ADARB2: variants seen among roughly 807,000 people sequenced by gnomAD.
The protein encoded by ADARB2 is inactive double-stranded RNA-specific editase B2.
ADARB2 carries 25 observed loss-of-function variants against 62.2 expected under a neutral mutation model. The ratio of observed to expected loss-of-function variants is 0.40; its 90% CI spans 0.29 to 0.56. The LOEUF (loss-of-function observed/expected upper bound fraction) is 0.56. Among genes scored for constraint, ADARB2 ranks in the 20% least tolerant of loss-of-function variants. The probability of loss-of-function intolerance (pLI) is 0.43; values close to 1 mark genes in which losing one functional copy is unlikely to be tolerated. For synonymous variants in ADARB2, 572 were observed against 500.8 expected, an observed-to-expected ratio of 1.14 and a Z score of -1.90; for missense variants, 1,071 against 1,077.4, an observed-to-expected ratio of 0.99 and a Z score of 0.08.
At chr10:1,416,718 C>A (rs1345218312) in intron 1 of ADARB2, among the ~76,000 whole-genome samples, 1 of 152,274 alleles carries the variant, frequency 6.6e-6, no homozygotes, top group Non-Finnish European at 1.5e-5. Flanking sequence ...GGCAGTCAAC[C>A]AGGTGCTCCA....
intron 6 of ADARB2, among the ~76,000 whole-genome samples, chr10:1,221,464 C>T (rs546327222): frequency 1.1e-3 from 159 of 151,018 alleles, no homozygotes; most frequent in South Asian, 3.8e-3. Context: ...ATGTGCACAA[C>T]GTGCAGGTTT....
chr10:1,671,890 G>A (rs141169905), intron 1 of ADARB2, among the ~76,000 whole-genome samples: 11 of 151,968 alleles, frequency 7.2e-5, no homozygotes, highest in African/African-American at 2.2e-4. Flanking sequence ...ACTTGCACTG[G>A]GGGGGAGTGG....
chr10:1,226,759 G>A (rs557521111), intron 6 of ADARB2, among the ~76,000 whole-genome samples: 9 of 152,316 alleles, frequency 5.9e-5, no homozygotes, highest in African/African-American at 1.7e-4. Context: ...CTGCCTGATC[G>A]TTCCTCTGGA....
At chr10:1,210,354 G>A (rs1036172610) in intron 7 of ADARB2, among the ~76,000 whole-genome samples, 3 of 152,200 alleles carry the variant, frequency 2.0e-5, no homozygotes, top group East Asian at 3.9e-4. Flanking sequence ...ACAGAACTGC[G>A]TCTATTCCCA....
At chr10:1,451,312 A>C (rs1831034665) in intron 1 of ADARB2, among the ~76,000 whole-genome samples, 3 of 152,230 alleles carry the variant, frequency 2.0e-5, no homozygotes, top group Non-Finnish European at 4.4e-5. Flanking sequence ...AGCGGTGTTT[A>C]TCCTCTGGAG....
At chr10:1,510,114 T>TTCTCTCTTTCTTTCTC (rs763583273) in intron 1 of ADARB2, among the ~76,000 whole-genome samples, 2 of 59,458 alleles carry the variant, frequency 3.4e-5, no homozygotes, top group Non-Finnish European at 7.2e-5. Context: ...CTTTCTCTCT[T>TTCTCTCTTTCTTTCTC]TCTTTCTTTC....
chr10:1,655,483 C>T (rs1218780202), intron 1 of ADARB2, among the ~76,000 whole-genome samples: 2 of 152,188 alleles, frequency 1.3e-5, no homozygotes, highest in East Asian at 3.9e-4. Flanking sequence ...CCTAATTATA[C>T]CTAATTTGCT....
intron 1 of ADARB2, among the ~76,000 whole-genome samples, chr10:1,595,508 T>A (rs981626377): frequency 6.6e-6 from 1 of 152,150 alleles, no homozygotes. Flanking sequence ...GGCAGGGGCA[T>A]CTGCTGGTCG....
intron 1 of ADARB2, among the ~76,000 whole-genome samples, chr10:1,486,376 C>T (rs1244514879): frequency 1.3e-5 from 2 of 152,136 alleles, no homozygotes; most frequent in Non-Finnish European, 2.9e-5. Context: ...ATATATTCTA[C>T]AGAGGTAACT....
chr10:1,498,665 C>T (rs1397651636), intron 1 of ADARB2, among the ~76,000 whole-genome samples: 1 of 152,138 alleles, frequency 6.6e-6, no homozygotes, highest in Non-Finnish European at 1.5e-5. Flanking sequence ...CATGCAGTAA[C>T]ATGGATGAAT....
At chr10:1,703,710 T>G (rs1029402319) in intron 1 of ADARB2, among the ~76,000 whole-genome samples, 2 of 152,364 alleles carry the variant, frequency 1.3e-5, no homozygotes, top group East Asian at 3.9e-4. Flanking sequence ...TGCAGCCTTG[T>G]GTGCTTTTTA....
intron 3 of ADARB2, among the ~76,000 whole-genome samples, chr10:1,315,479 C>T (rs1157707057): frequency 6.6e-6 from 1 of 152,210 alleles, no homozygotes; most frequent in South Asian, 2.1e-4. Flanking sequence ...GACTGCTGCA[C>T]CTGACATTTG....
intron 1 of ADARB2, among the ~76,000 whole-genome samples, chr10:1,721,479 G>A (rs989058873): frequency 2.0e-5 from 3 of 152,136 alleles, no homozygotes; most frequent in African/African-American, 4.8e-5. Context: ...GGCTTGCTGT[G>A]TGCATACACA....
intron 4 of ADARB2, among the ~76,000 whole-genome samples, chr10:1,266,104 C>T (rs889186929): frequency 6.6e-6 from 1 of 151,724 alleles, no homozygotes; most frequent in Non-Finnish European, 1.5e-5. Flanking sequence ...CAGGCTCTCC[C>T]GGAAGACGGC....
At chr10:1,292,979 GGAGAGAGAGAGGGA>G (rs1831481603) in intron 3 of ADARB2, 1 of 82,838 alleles carries the variant, frequency 1.2e-5, no homozygotes, top group African/African-American at 5.7e-5. Context: ...AGGGAGGGAA[GGAGAGAGAGAGGGA>G]GAGGGAGGGA....
At chr10:1,467,966 C>T (rs967286568) in intron 1 of ADARB2, among the ~76,000 whole-genome samples, 10 of 152,168 alleles carry the variant, frequency 6.6e-5, no homozygotes, top group Admixed American at 1.3e-4. Flanking sequence ...GGGATTGAAA[C>T]GTTCTTCCTA....
At chr10:1,608,826 A>G (rs1190914866) in intron 1 of ADARB2, among the ~76,000 whole-genome samples, 5 of 140,720 alleles carry the variant, frequency 3.6e-5, no homozygotes, top group African/African-American at 7.7e-5. Context: ...GGAAGGAAGG[A>G]GAGAAGGAAG....
Position 1,204,271 on chromosome 10 carries a change from C to T in ADARB2, c.1683-4124G>A, listed in dbSNP as rs936338257. On this transcript the variant is annotated intron_variant, in intron 7 of 9. Transcript: ENST00000381312. ...TTCAAGGTGAAATAGAAGCCAACAG[C>T]CTTTTGACTCAATAACACACCTGCT... Among the ~76,000 whole-genome samples the T allele has an allele frequency of 2.6e-5, 4 of 152,178 alleles. No individual in the cohort carries two copies. In the East Asian group the frequency reaches 7.7e-4, roughly 29 times the overall value.
intron 8 of ADARB2, among the ~76,000 whole-genome samples, chr10:1,194,578 T>A (rs1836884374): frequency 6.6e-6 from 1 of 152,218 alleles, no homozygotes; most frequent in South Asian, 2.1e-4. Context: ...TCATCCATCC[T>A]CCATATATCA....
Sources: gnomAD v4.1 joint callset for allele counts (sites outside exome capture counted in the v4.1 genomes callset) on GRCh38, gnomAD v4.1.1 for gene constraint, MANE v1.5 for transcripts, NCBI Gene and HGNC (gene_info 2026-07-23, HGNC 2026-07-21) for gene names.